MUCL3: variants seen among roughly 807,000 people sequenced by gnomAD.
MUCL3 encodes the protein mucin like 3, also known as mucin-like protein 3.
A neutral mutation model predicts 70.2 loss-of-function variants in MUCL3; 42 were observed. The ratio of observed to expected loss-of-function variants is 0.60; its 90% confidence interval spans 0.47 to 0.77. The LOEUF (loss-of-function observed/expected upper bound fraction) is 0.77, where lower values mean the gene tolerates loss of function less well. Among genes scored for constraint, MUCL3 ranks in the 30% least tolerant of loss-of-function variants. MUCL3 has a pLI of 0.00. For missense variants in MUCL3, 1,429 were observed against 1,670.0 expected, an observed-to-expected ratio of 0.86 and a Z score of 2.52; for synonymous variants, 522 against 647.0, an observed-to-expected ratio of 0.81 and a Z score of 2.93.
chr6:30,949,883 A>C lies in MUCL3; in HGVS notation c.1419A>C (p.Thr473=). 1.3e-6 allele frequency: 2 copies of C among 1,549,930 alleles called. No individual in the cohort carries two copies. Among genetic ancestry groups the C allele is most frequent in the Non-Finnish European group, 1.7e-6 (2 of 1,146,356 alleles). ...NRETTANEKT[T]LSPVEPTENR... is the part of the protein sequence containing the mutation. ...AAACGACAGCCAACGAGAAGACCACACTATCCCCAGTAGAGCCTACAGAAA... is the reference window on the plus strand; with the variant it reads ...AAACGACAGCCAACGAGAAGACCACCCTATCCCCAGTAGAGCCTACAGAAA... The change falls in exon 2 of 3, where the codon ACA becomes ACC. Residue 473 remains threonine (T), a synonymous_variant. Transcript: ENST00000462446.
Position 30,949,215 on chromosome 6 carries a change from G to A in MUCL3, c.751G>A (p.Asp251Asn), listed in dbSNP as rs1177250253. Residue 251 changes from aspartate to asparagine, a missense_variant, in exon 2 of 3, where the codon GAT becomes AAT. By Grantham distance (23) the Asp-to-Asn change is conservative. Transcript: ENST00000462446. ...CCCAGAAGAGTCAGAAAAAACTGAA[G>A]ATTCCAGAACAACAGTTGCCTCAGA... ...GTPEESEKTE[D>N]SRTTVASDKL... 5 of 1,550,740 alleles carry A rather than the reference G, an allele frequency of 3.2e-6. No individual in the cohort carries two copies. The highest frequency in any genetic ancestry group is 2.0e-5 in the Admixed American group (1 of 50,818).
In MUCL3 at chr6:30,951,402, C is replaced by A. The variant is rs765426007; in HGVS notation, c.2938C>A (p.Pro980Thr). Residue 980 changes from proline to threonine, a missense_variant, in exon 2 of 3, where the codon CCT (proline) becomes ACT (threonine). Pro to Thr is a conservative substitution (Grantham distance 38, BLOSUM62 -1). Transcript: ENST00000462446. ...GGACACCACACCATCCTCAGCAGAG[C>A]CTACAGAAAATGGAGAAAGGACCCC... ...NEDTTPSSAE[P>T]TENGERTPLA... The A allele has an allele frequency of 1.9e-6, 3 of 1,547,558 alleles. No homozygotes were observed. Among genetic ancestry groups the A allele is most frequent in the Non-Finnish European group, 1.7e-6 (2 of 1,144,624 alleles).
chr6:30,949,047 A>G lies in MUCL3; in HGVS notation c.583A>G (p.Thr195Ala). ...AAGACCTTTGGAAAAGTCCATGAGTACTTTGGATAAGACAAGTACCAGCTC... is the reference window on the plus strand; with the variant it reads ...AAGACCTTTGGAAAAGTCCATGAGTGCTTTGGATAAGACAAGTACCAGCTC... ...TGRPLEKSMS[T>A]LDKTSTSSHK... The change falls in exon 2 of 3, where the codon ACT becomes GCT. Residue 195 changes from threonine (T) to alanine (A), a missense_variant. By Grantham distance (58) the Thr-to-Ala change is moderately conservative. Transcript: ENST00000462446. 5.2e-6 allele frequency: 8 copies of G among 1,551,578 alleles called. No individual in the cohort carries two copies. The highest frequency in any genetic ancestry group is 6.1e-6 in the Non-Finnish European group (7 of 1,146,956).
chr6:30,946,315 G>C (rs772009854), intron 1 of MUCL3: 5 of 152,194 alleles, frequency 3.3e-5, no homozygotes, highest in Non-Finnish European at 5.9e-5. Context: ...CAGCATCATG[G>C]TTATTTACAG....
intron 1 of MUCL3, among the ~76,000 whole-genome samples, chr6:30,944,579 T>G (rs1562485395): frequency 6.6e-6 from 1 of 152,234 alleles, no homozygotes. Flanking sequence ...CCAGCCGATG[T>G]CCTCTCTTTC....
chr6:30,951,724 G>A lies in MUCL3; in HGVS notation c.3260G>A (p.Gly1087Glu), dbSNP rs1760709815. The A allele has an allele frequency of 6.4e-7, 1 of 1,551,114 alleles. No individual in the cohort carries two copies. ...TLSPEGPTEH[G>E]AKTTSANEKI... ...TCCCCAGAAGGGCCTACAGAACATG[G>A]AGCAAAAACTACGTCGGCCAATGAG... Residue 1087 changes from glycine to glutamate, a missense_variant, in exon 2 of 3, where the codon GGA becomes GAA. Transcript: ENST00000462446.
At chr6:30,944,704 G>A (rs2844702) in intron 1 of MUCL3, among the ~76,000 whole-genome samples, 42,840 of 152,150 alleles carry the variant, frequency 0.28, 6,942 homozygotes, top group Middle Eastern at 0.38. Flanking sequence ...AGTGTCTTGT[G>A]CTAAAGTTGG....
chr6:30,948,970 G>T lies in MUCL3; in HGVS notation c.506G>T (p.Arg169Leu). 1 of 1,551,530 alleles carries T rather than the reference G, an allele frequency of 6.4e-7. No individual in the cohort carries two copies. The highest frequency in any genetic ancestry group is 8.7e-7 in the Non-Finnish European group (1 of 1,146,956). Residue 169 changes from arginine to leucine, a missense_variant, in exon 2 of 3, where the codon CGT becomes CTT. Coordinates refer to ENST00000462446, the MANE Select transcript of MUCL3 (RefSeq NM_080870.4). Reference sequence around the variant, plus strand: ...GCACCCAAGAGCAAAATAAACTGTCGTAAGTCCACAACAGGCAAATCAACG... The same window carrying T: ...GCACCCAAGAGCAAAATAAACTGTCTTAAGTCCACAACAGGCAAATCAACG... The part of the protein sequence containing the change: ...TPAPKSKINC[R>L]KSTTGKSTVT...
rs1200269753 is a variant in MUCL3, at chr6:30,953,155, C to T, written c.*38C>T. ...CGCCCAGCCCTGGCTCTTCCATGCT[C>T]TGCCCCTTTCCTGGATGAGGAACCG... On this transcript the variant is annotated 3_prime_UTR_variant, in exon 3 of 3. Coordinates refer to ENST00000462446, the MANE Select transcript of MUCL3 (RefSeq NM_080870.4). The T allele has an allele frequency of 3.1e-6, 5 of 1,604,692 alleles. No individual in the cohort carries two copies. In the African/African-American group the frequency reaches 6.7e-5, roughly 22 times the overall value.
chr6:30,950,245 C>A lies in MUCL3; in HGVS notation c.1781C>A (p.Thr594Asn). 2.6e-6 allele frequency: 4 copies of A among 1,551,196 alleles called. No individual in the cohort carries two copies. Among genetic ancestry groups the A allele is most frequent in the Non-Finnish European group, 2.6e-6 (3 of 1,146,938 alleles). ...GQRTPFANEK[T>N]TSSSAEPTEH... The stretch of plus-strand genomic sequence containing the variant: ...AGGACCCCATTTGCCAATGAGAAGA[C>A]CACATCATCCTCAGCAGAGCCTACA... Residue 594 changes from threonine (T) to asparagine (N), a missense_variant, in exon 2 of 3, where the codon ACC becomes AAC. Transcript: ENST00000462446.
rs1378981990 is a variant in MUCL3, at chr6:30,951,633, C to T, written c.3169C>T (p.Pro1057Ser). ...MTPSANENTTPSPVKPTEHGE... is the reference protein window; with the variant it reads ...MTPSANENTTSSPVKPTEHGE... ...CCCATCGGCCAATGAGAACACCACA[C>T]CATCCCCAGTAAAGCCTACAGAACA... Residue 1057 changes from proline (P) to serine (S), a missense_variant, in exon 2 of 3, where the codon CCA (proline) becomes TCA (serine). Transcript: ENST00000462446. The T allele has an allele frequency of 6.5e-7, 1 of 1,548,058 alleles. No individual in the cohort carries two copies. The highest frequency in any genetic ancestry group is 2.0e-5 in the Admixed American group (1 of 50,956).
chr6:30,951,433 C>G lies in MUCL3; in HGVS notation c.2969C>G (p.Ala990Gly). The G allele has an allele frequency of 6.4e-7, 1 of 1,550,996 alleles. No individual in the cohort carries two copies. Among genetic ancestry groups the G allele is most frequent in the Non-Finnish European group, 8.7e-7 (1 of 1,146,902 alleles). Residue 990 changes from alanine (A) to glycine (G), a missense_variant, in exon 2 of 3, where the codon GCC becomes GGC. Ala to Gly is a moderately conservative substitution (Grantham distance 60, BLOSUM62 0). Coordinates refer to ENST00000462446, the MANE Select transcript of MUCL3 (RefSeq NM_080870.4). Reference protein sequence around the residue: ...PTENGERTPLANENTTTSPTE... With the variant: ...PTENGERTPLGNENTTTSPTE... ...GAAAATGGAGAAAGGACCCCACTGG[C>G]CAATGAGAACACCACAACATCCCCA...
chr6:30,952,892 A>C, intron 2 of MUCL3, 79 bp from the exon 3 acceptor site: 1 of 1,536,616 alleles, frequency 6.5e-7, no homozygotes, highest in South Asian at 1.3e-5. Context: ...TCTTGAGAAT[A>C]GAATCAAGAC....
rs374800680 is a variant in MUCL3 at position 30,951,901 on chromosome 6, T to C, written c.3437T>C (p.Ile1146Thr). ...ATCACACCAGCCCCAGCAGAGCCTA[T>C]AAAACATGCAAAAAGGACCACATTG... is the stretch of plus-strand genomic sequence containing the variant. The part of the protein sequence containing the change: ...NVITPAPAEP[I>T]KHAKRTTLAH... The change falls in exon 2 of 3, where the codon ATA (isoleucine) becomes ACA (threonine). Residue 1146 changes from isoleucine (I) to threonine (T), a missense_variant. Coordinates refer to ENST00000462446, the MANE Select transcript of MUCL3 (RefSeq NM_080870.4). 5.0e-6 allele frequency: 8 copies of C among 1,611,762 alleles called. No homozygotes were observed. In the African/African-American group the frequency reaches 6.7e-5, roughly 14 times the overall value.
chr6:30,952,376 C>T lies in MUCL3; in HGVS notation c.3912C>T (p.Gly1304=). The T allele has an allele frequency of 6.2e-7, 1 of 1,614,222 alleles. No individual in the cohort carries two copies. Among genetic ancestry groups the T allele is most frequent in the Non-Finnish European group, 8.5e-7 (1 of 1,180,042 alleles). Reference sequence around the variant, plus strand: ...GCCATCCATACCTCAATAAAGATGGCTCACAGAAAGGTATCCACGCTGGAC... The same window carrying T: ...GCCATCCATACCTCAATAAAGATGGTTCACAGAAAGGTATCCACGCTGGAC... ...NESHPYLNKD[G]SQKGIHAGQM... The change falls in exon 2 of 3, where the codon GGC becomes GGT. Residue 1304 remains glycine, a synonymous_variant. Coordinates refer to ENST00000462446, the MANE Select transcript of MUCL3 (RefSeq NM_080870.4).
rs1179125653 is a variant in MUCL3, at chr6:30,949,330, G to A, written c.866G>A (p.Gly289Glu). Reference protein sequence around the residue: ...TQSLAEPTEHGGRTANENNTP... With the variant: ...TQSLAEPTEHEGRTANENNTP... Reference sequence around the variant, plus strand: ...TCTCTAGCAGAGCCTACAGAACATGGAGGAAGGACAGCCAATGAGAACAAC... The same window carrying A: ...TCTCTAGCAGAGCCTACAGAACATGAAGGAAGGACAGCCAATGAGAACAAC... Residue 289 changes from glycine to glutamate, a missense_variant, in exon 2 of 3, where the codon GGA (glycine) becomes GAA (glutamate). By Grantham distance (98) the Gly-to-Glu change is moderately conservative (BLOSUM62 -2). Coordinates refer to ENST00000462446, the MANE Select transcript of MUCL3 (RefSeq NM_080870.4). 1.3e-6 allele frequency: 2 copies of A among 1,551,668 alleles called. No homozygotes were observed. Among genetic ancestry groups the A allele is most frequent in the Admixed American group, 2.0e-5 (1 of 50,994 alleles).
At chr6:30,952,866 C>G in intron 2 of MUCL3, 105 bp from the exon 3 acceptor site, 2 of 1,452,102 alleles carry the variant, frequency 1.4e-6, no homozygotes, top group South Asian at 2.8e-5. Flanking sequence ...GAATAAACAT[C>G]AAGGTTTGGA....
intron 1 of MUCL3, among the ~76,000 whole-genome samples, chr6:30,947,875 T>C (rs907178507): frequency 2.0e-5 from 3 of 152,122 alleles, no homozygotes; most frequent in Non-Finnish European, 4.4e-5. Flanking sequence ...CTACCCATCC[T>C]CCATTCTTCT....
At position 30,950,785 on chromosome 6, in the gene MUCL3, C is replaced by T. The variant is rs900232221; in HGVS notation, c.2321C>T (p.Thr774Ile). ...ACTCCATTGGCCAATGAGAAGACCACACCATCTCTAGCAGAGCCTACAGAA... is the reference window on the plus strand; with the variant it reads ...ACTCCATTGGCCAATGAGAAGACCATACCATCTCTAGCAGAGCCTACAGAA... ...DRTPLANEKT[T>I]PSLAEPTENG... is the part of the protein sequence containing the mutation. Residue 774 changes from threonine to isoleucine, a missense_variant, in exon 2 of 3, where the codon ACA becomes ATA. Transcript: ENST00000462446. 69 of 1,550,450 alleles carry T rather than the reference C, an allele frequency of 4.5e-5. No individual in the cohort carries two copies. The highest frequency in any genetic ancestry group is 5.6e-5 in the Non-Finnish European group (64 of 1,146,934).
Sources: allele counts gnomAD v4.1 joint callset (sites outside exome capture counted in the v4.1 genomes callset), GRCh38; gene constraint gnomAD v4.1.1; transcripts MANE v1.5; gene names NCBI Gene and HGNC (gene_info 2026-07-23, HGNC 2026-07-21).